The following HS3ST4 variants were observed in gnomAD, a reference collection of about 807,000 sequenced individuals.
HS3ST4 encodes the protein heparan sulfate-glucosamine 3-sulfotransferase 4, also known as heparan sulfate glucosamine 3-O-sulfotransferase 4.
In HS3ST4, 17 loss-of-function variants were observed where a neutral mutation model predicts 29.2. The observed-to-expected ratio is 0.58, with a 90% CI of 0.40 to 0.87. The LOEUF is 0.87. HS3ST4 is among the 40% of genes least tolerant of loss of function. The pLI is 0.00. For synonymous variants in HS3ST4, 314 were observed against 285.7 expected, an observed-to-expected ratio of 1.10 and a Z score of -1.00; for missense variants, 627 against 634.5, an observed-to-expected ratio of 0.99 and a Z score of 0.13.
Position 25,991,846 on chromosome 16 carries a change from C to A in HS3ST4, c.735-143766C>A, listed in dbSNP as rs867749201. On this transcript the variant is annotated intron_variant, in intron 1 of 1. Coordinates refer to ENST00000331351, the MANE Select transcript of HS3ST4 (RefSeq NM_006040.3). ...ACCATCCTGGCTAACACGGTGAAAC[C>A]CCGTCTCTACTAAAAATACAAAAAA... Among the ~76,000 whole-genome samples, 8 of 152,202 alleles carry A rather than the reference C, an allele frequency of 5.3e-5. No homozygotes were observed. The Middle Eastern group carries it at 0.014, about 261-fold the overall frequency.
At chr16:26,073,155 C>T (rs7198646) in intron 1 of HS3ST4, among the ~76,000 whole-genome samples, 44,364 of 151,988 alleles carry the variant, frequency 0.29, 6,864 homozygotes, top group Middle Eastern at 0.37. Context: ...TTCCTCTGTG[C>T]CTGACAATGT....
chr16:25,905,616 A>ACTCAG (rs1282108091), intron 1 of HS3ST4, among the ~76,000 whole-genome samples: 1 of 152,164 alleles, frequency 6.6e-6, no homozygotes, highest in Non-Finnish European at 1.5e-5. Context: ...CAGCACACAG[A>ACTCAG]CTCAGTAGGA....
At chr16:25,933,290 G>C in intron 1 of HS3ST4, 2 of 470,246 alleles carry the variant, frequency 4.3e-6, no homozygotes, top group East Asian at 1.2e-4. Context: ...AGAGGTTTCT[G>C]TTAGACAGCG....
chr16:25,966,506 C>T (rs1357655390), intron 1 of HS3ST4, among the ~76,000 whole-genome samples: 1 of 152,138 alleles, frequency 6.6e-6, no homozygotes, highest in Non-Finnish European at 1.5e-5. Context: ...CTGAGGTGCT[C>T]TATTGCTTGC....
In HS3ST4 at chr16:26,135,693, G is replaced by A. The variant is rs906945737; in HGVS notation, c.816G>A (p.Lys272=). 4 of 1,614,002 alleles carry A rather than the reference G, an allele frequency of 2.5e-6. No homozygotes were observed. Among genetic ancestry groups the A allele is most frequent in the East Asian group, 2.2e-5 (1 of 44,856 alleles). The stretch of plus-strand genomic sequence containing the variant: ...ACTTTGTGACAAATGAGGCTCCCAA[G>A]CGCATTCACTCCATGGCCAAGGACA... ...PSYFVTNEAP[K]RIHSMAKDIK... is the part of the protein sequence containing the mutation. The change falls in exon 2 of 2, where the codon AAG becomes AAA. Residue 272 remains lysine (K), a synonymous_variant. Coordinates refer to ENST00000331351, the MANE Select transcript of HS3ST4 (RefSeq NM_006040.3).
At chr16:25,950,702 A>G (rs933043891) in intron 1 of HS3ST4, among the ~76,000 whole-genome samples, 1 of 152,086 alleles carries the variant, frequency 6.6e-6, no homozygotes, top group South Asian at 2.1e-4. Context: ...TCCTGAGCCC[A>G]GGAGGTAAAA....
chr16:26,109,880 C>T (rs981712577), intron 1 of HS3ST4, among the ~76,000 whole-genome samples: 1 of 152,092 alleles, frequency 6.6e-6, no homozygotes, highest in Admixed American at 6.5e-5. Context: ...ACATATCAAT[C>T]ACATCACACA....
chr16:26,096,631 C>T (rs922891475), intron 1 of HS3ST4, among the ~76,000 whole-genome samples: 1 of 152,186 alleles, frequency 6.6e-6, no homozygotes, highest in Non-Finnish European at 1.5e-5. Context: ...AATCCCACAG[C>T]CATTATCATA....
chr16:26,074,699 C>T (rs66849046), intron 1 of HS3ST4, among the ~76,000 whole-genome samples: 21,672 of 152,042 alleles, frequency 0.14, 1,721 homozygotes, highest in Non-Finnish European at 0.17. Flanking sequence ...TCAAACAAAG[C>T]CTTATCTCTC....
chr16:25,803,359 C>G (rs1298965161), intron 1 of HS3ST4, among the ~76,000 whole-genome samples: 4 of 152,158 alleles, frequency 2.6e-5, no homozygotes, highest in Middle Eastern at 3.4e-3. Flanking sequence ...AGAATTCCTC[C>G]CTGTCTCATC....
At chr16:25,745,247 A>G (rs1355957681) in intron 1 of HS3ST4, among the ~76,000 whole-genome samples, 1 of 152,100 alleles carries the variant, frequency 6.6e-6, no homozygotes, top group African/African-American at 2.4e-5. Flanking sequence ...GTCACTGGCA[A>G]TCTTGGCCAC....
At chr16:25,972,355 C>G (rs1968906680) in intron 1 of HS3ST4, among the ~76,000 whole-genome samples, 1 of 152,162 alleles carries the variant, frequency 6.6e-6, no homozygotes, top group African/African-American at 2.4e-5. Context: ...GGTCAGGAAG[C>G]CAGGCACTAC....
intron 1 of HS3ST4, among the ~76,000 whole-genome samples, chr16:25,940,551 G>A (rs1968562795): frequency 6.6e-6 from 1 of 152,212 alleles, no homozygotes; most frequent in South Asian, 2.1e-4. Context: ...TATGCTGAGA[G>A]CTGGGAGAGC....
At chr16:25,757,041 TTA>T (rs1477361814) in intron 1 of HS3ST4, among the ~76,000 whole-genome samples, 1 of 152,190 alleles carries the variant, frequency 6.6e-6, no homozygotes, top group Non-Finnish European at 1.5e-5. Context: ...GTGCCTATGT[TTA>T]TAGTTAAATA....
chr16:25,828,740 T>A (rs370858553), intron 1 of HS3ST4, among the ~76,000 whole-genome samples: 13 of 151,196 alleles, frequency 8.6e-5, no homozygotes, highest in African/African-American at 3.1e-4. Flanking sequence ...CAGCTCCTAC[T>A]TATAAGTGAG....
intron 1 of HS3ST4, among the ~76,000 whole-genome samples, chr16:25,715,213 T>C (rs1402291314): frequency 6.6e-6 from 1 of 151,358 alleles, no homozygotes; most frequent in Non-Finnish European, 1.5e-5. Context: ...TCCCAGCTAC[T>C]CGGGAGGCTG....
At chr16:25,859,331 A>T (rs1273423299) in intron 1 of HS3ST4, among the ~76,000 whole-genome samples, 1 of 152,256 alleles carries the variant, frequency 6.6e-6, no homozygotes, top group African/African-American at 2.4e-5. Flanking sequence ...TTTAATTCTC[A>T]TAGCTGTACT....
At chr16:25,971,216 C>G (rs943757982) in intron 1 of HS3ST4, among the ~76,000 whole-genome samples, 1 of 151,910 alleles carries the variant, frequency 6.6e-6, no homozygotes, top group African/African-American at 2.4e-5. Flanking sequence ...ATAAATAATA[C>G]CAACATTTGT....
intron 1 of HS3ST4, among the ~76,000 whole-genome samples, chr16:26,039,514 C>G (rs1041817261): frequency 6.6e-6 from 1 of 152,098 alleles, no homozygotes; most frequent in African/African-American, 2.4e-5. Context: ...TGTTTTGAAA[C>G]AGGCATGCAA....
Sources: allele counts gnomAD v4.1 joint callset (sites outside exome capture counted in the v4.1 genomes callset), GRCh38; gene constraint gnomAD v4.1.1; transcripts MANE v1.5; gene names NCBI Gene and HGNC (gene_info 2026-07-23, HGNC 2026-07-21).